Variants in STUM observed in about 807,000 individuals in gnomAD.
The protein encoded by STUM is stum, mechanosensory transduction mediator homolog.
Under a neutral mutation model 15.3 loss-of-function variants are expected in STUM, and 8 were observed. That is an observed-to-expected ratio of 0.52 (90% CI 0.31 to 0.94). The LOEUF is 0.94. Ranked by LOEUF, STUM falls within the 40% of genes least tolerant of loss-of-function variation. The pLI is 0.05. For missense variants in STUM, 142 were observed against 204.9 expected, an observed-to-expected ratio of 0.69 and a Z score of 1.87; for synonymous variants, 78 against 88.7, an observed-to-expected ratio of 0.88 and a Z score of 0.68.
At chr1:226,588,897 C>G (rs1167970249) in intron 1 of STUM, among the ~76,000 whole-genome samples, 1 of 152,166 alleles carries the variant, frequency 6.6e-6, no homozygotes, top group Non-Finnish European at 1.5e-5. Context: ...TCCTGACCCC[C>G]AAAGCTCACA....
rs551331129 is a variant in STUM at position 226,565,498 on chromosome 1, G to C, written c.202+16392G>C. Among the ~76,000 whole-genome samples, 1 of 152,320 alleles carries C rather than the reference G, an allele frequency of 6.6e-6. No individual in the cohort carries two copies. The highest frequency in any genetic ancestry group is 1.9e-4 in the East Asian group (1 of 5,190). ...CCCACCTCCACCTGGTTTTCCTAAA[G>C]ATGTTGGTTTCTAACACAGTCTTCC... On this transcript the variant is annotated intron_variant, in intron 1 of 3. Coordinates refer to ENST00000366788, the MANE Select transcript of STUM (RefSeq NM_001003665.4). This position sits in a 1 kb window ranked among gnomAD's most constrained non-coding sequence, Gnocchi z 4.4.
chr1:226,598,873 C>T (rs1668223220), intron 2 of STUM, among the ~76,000 whole-genome samples: 1 of 152,194 alleles, frequency 6.6e-6, no homozygotes, highest in South Asian at 2.1e-4. Flanking sequence ...AGTTCATTTT[C>T]ACACTGCTGA....
chr1:226,575,899 G>A (rs548651786), intron 1 of STUM, among the ~76,000 whole-genome samples: 31 of 152,338 alleles, frequency 2.0e-4, no homozygotes, highest in Non-Finnish European at 4.3e-4. Flanking sequence ...TTGGCATCAG[G>A]CCAAGGGCTG....
At chr1:226,566,351 A>AT (rs973139751) in intron 1 of STUM, among the ~76,000 whole-genome samples, 1 of 152,136 alleles carries the variant, frequency 6.6e-6, no homozygotes, top group South Asian at 2.1e-4. Context: ...GGTTCTTCTG[A>AT]TTTTTTTCCC....
chr1:226,577,230 A>T (rs1667831989), intron 1 of STUM, among the ~76,000 whole-genome samples: 1 of 152,236 alleles, frequency 6.6e-6, no homozygotes, highest in Admixed American at 6.5e-5. Context: ...AAGGGCTCAC[A>T]GCCAGTGCAG....
At chr1:226,574,801 A>G (rs541108663) in intron 1 of STUM, among the ~76,000 whole-genome samples, 1 of 152,150 alleles carries the variant, frequency 6.6e-6, no homozygotes, top group East Asian at 1.9e-4. Context: ...CTCAGAGTGG[A>G]GACAGCTTTG....
At chr1:226,570,522 G>A (rs186594178) in intron 1 of STUM, among the ~76,000 whole-genome samples, 3 of 152,208 alleles carry the variant, frequency 2.0e-5, no homozygotes, top group African/African-American at 7.2e-5. Context: ...CATTGTTTTA[G>A]ACTAGACAGC....
At position 226,602,332 on chromosome 1, in the gene STUM, C is replaced by G; in HGVS notation, c.*292C>G. ...AGAGAGGCTGGGATGCTCCGGCAGG[C>G]TCCAACTGGCCTTGCTGTACCCACT... On this transcript the variant is annotated 3_prime_UTR_variant, in exon 4 of 4. Coordinates refer to ENST00000366788, the MANE Select transcript of STUM (RefSeq NM_001003665.4). The G allele has an allele frequency of 4.5e-6, 2 of 448,254 alleles. No homozygotes were observed. The highest frequency in any genetic ancestry group is 7.9e-5 in the East Asian group (2 of 25,354). 27.8% of individuals were successfully genotyped at this position (448,254 alleles called of 1,614,324 possible).
In STUM at chr1:226,602,088, CA is replaced by C. The variant is rs1668277979; in HGVS notation, c.*49del. On this transcript the variant is annotated 3_prime_UTR_variant, in exon 4 of 4. Coordinates refer to ENST00000366788, the MANE Select transcript of STUM (RefSeq NM_001003665.4). ...ATCCAGGGGGGCCCTGTGAGGGCTG[CA>C]CCAGGCAGCTTTGGGCACAAGGACC... 1.3e-6 allele frequency: 2 copies of C among 1,518,470 alleles called. No individual in the cohort carries two copies. The highest frequency in any genetic ancestry group is 3.4e-5 in the Admixed American group (2 of 58,928). 94.1% of individuals were successfully genotyped at this position (1,518,470 alleles called of 1,614,324 possible).
At chr1:226,572,999 G>A (rs1667743070) in intron 1 of STUM, among the ~76,000 whole-genome samples, 1 of 152,230 alleles carries the variant, frequency 6.6e-6, no homozygotes, top group African/African-American at 2.4e-5. Flanking sequence ...GGTCACATGG[G>A]AAGCAGTAGG....
In STUM at chr1:226,596,050, C is replaced by G. The variant is rs534101786; in HGVS notation, c.203-752C>G. Among the ~76,000 whole-genome samples, 114 of 152,278 alleles carry G rather than the reference C, an allele frequency of 7.5e-4. 1 individual carries two copies. The highest frequency in any genetic ancestry group is 5.9e-4 in the Non-Finnish European group (40 of 68,032). On this transcript the variant is annotated intron_variant, in intron 1 of 3. Coordinates refer to ENST00000366788, the MANE Select transcript of STUM (RefSeq NM_001003665.4). ...GAGCCCATGTAGGAAAGGGGCCTAA[C>G]TCGGTAAAGGTAGTGATGTTACCCA...
At position 226,552,759 on chromosome 1, in the gene STUM, T is replaced by G. The variant is rs960408183; in HGVS notation, c.202+3653T>G. 6.6e-6 allele frequency among the ~76,000 whole-genome samples: 1 copy of G among 152,220 alleles called. No homozygotes were observed. The highest frequency in any genetic ancestry group is 2.4e-5 in the African/African-American group (1 of 41,454). On this transcript the variant is annotated intron_variant, in intron 1 of 3. Transcript: ENST00000366788. This position sits in a 1 kb window ranked among gnomAD's most constrained non-coding sequence, Gnocchi z 4.7. Reference sequence around the variant, plus strand: ...CTGCTTCTTCTCTCTCTCTTTCCTCTAGACCCAAGGCTCAAACTGATGATT... The same window carrying G: ...CTGCTTCTTCTCTCTCTCTTTCCTCGAGACCCAAGGCTCAAACTGATGATT...
intron 1 of STUM, among the ~76,000 whole-genome samples, chr1:226,587,898 T>G (rs1668022201): frequency 6.6e-6 from 1 of 152,156 alleles, no homozygotes; most frequent in Non-Finnish European, 1.5e-5. Context: ...CCTTAGTTAC[T>G]GCATTGTGAT....
chr1:226,590,572 T>TG (rs943723393), intron 1 of STUM, among the ~76,000 whole-genome samples: 11 of 152,188 alleles, frequency 7.2e-5, no homozygotes, highest in Admixed American at 7.2e-4. Context: ...CATGCCCTCC[T>TG]GGGGTGACCT....
In STUM at chr1:226,581,049, C is replaced by T. The variant is rs190741442; in HGVS notation, c.203-15753C>T. The stretch of plus-strand genomic sequence containing the variant: ...GTTCCCATGGTTGAAGTTGGGTTAC[C>T]GCCATGTCTTCTTTCCAGCCCATAG... On this transcript the variant is annotated intron_variant, in intron 1 of 3. Transcript: ENST00000366788. 1.6e-3 allele frequency among the ~76,000 whole-genome samples: 248 copies of T among 152,310 alleles called. 1 individual carries two copies. The highest frequency in any genetic ancestry group is 5.7e-3 in the African/African-American group (237 of 41,558).
chr1:226,549,518 G>A lies in STUM; in HGVS notation c.202+412G>A, dbSNP rs958287814. Reference sequence around the variant, plus strand: ...GGGGTCGGATCAGAATGAGCTCTAGGGCCTCGGCGGCGAGGATCAAACTCC... The same window carrying A: ...GGGGTCGGATCAGAATGAGCTCTAGAGCCTCGGCGGCGAGGATCAAACTCC... On this transcript the variant is annotated intron_variant, in intron 1 of 3. Coordinates refer to ENST00000366788, the MANE Select transcript of STUM (RefSeq NM_001003665.4). This position sits in a 1 kb window ranked among gnomAD's most constrained non-coding sequence, Gnocchi z 6.8. 1.3e-5 allele frequency among the ~76,000 whole-genome samples: 2 copies of A among 152,182 alleles called. No homozygotes were observed. Among genetic ancestry groups the A allele is most frequent in the Non-Finnish European group, 2.9e-5 (2 of 68,040 alleles).
chr1:226,596,659 C>A (rs1668184613), intron 1 of STUM, 143 bp from the exon 2 acceptor site: 3 of 717,630 alleles, frequency 4.2e-6, no homozygotes, highest in African/African-American at 3.6e-5. Flanking sequence ...AGGGGTGCCA[C>A]TCAGAGGACA....
rs1403012230 is a variant in STUM at position 226,549,067 on chromosome 1, G to A, written c.163G>A (p.Val55Ile). 1.9e-6 allele frequency: 3 copies of A among 1,580,458 alleles called. No individual in the cohort carries two copies. The highest frequency in any genetic ancestry group is 1.4e-5 in the African/African-American group (1 of 71,256). The change falls in exon 1 of 4, where the codon GTC becomes ATC. Residue 55 changes from valine (V) to isoleucine (I), a missense_variant. By Grantham distance (29) the Val-to-Ile change is conservative (BLOSUM62 3). This residue lies in a region of STUM where 113 missense variants were observed against 134.4 expected (regional missense o/e 0.84). Coordinates refer to ENST00000366788, the MANE Select transcript of STUM (RefSeq NM_001003665.4). This position sits in a 1 kb window ranked among gnomAD's most constrained non-coding sequence, Gnocchi z 6.8. ...CCCCTACATGCCCTTCCCCGTGGCC[G>A]TCATCTGCCTCTTCCTCAACACTTT... ...AIPYMPFPVA[V>I]ICLFLNTFVP... is the part of the protein sequence containing the mutation.
At chr1:226,576,187 C>G (rs2102698244) in intron 1 of STUM, among the ~76,000 whole-genome samples, 1 of 152,358 alleles carries the variant, frequency 6.6e-6, no homozygotes, top group East Asian at 1.9e-4. Flanking sequence ...TGTCCTTACT[C>G]CAGGTTGCAG....
Sources: gnomAD v4.1 joint callset for allele counts (sites outside exome capture counted in the v4.1 genomes callset) on GRCh38, gnomAD v4.1.1 for gene constraint, gnomAD v4.1.1 regional missense constraint, Gnocchi (gnomAD v3.1) non-coding constraint, MANE v1.5 for transcripts, NCBI Gene and HGNC (gene_info 2026-07-23, HGNC 2026-07-21) for gene names.